The following PPARGC1A variants were observed in gnomAD, a reference collection of about 807,000 sequenced individuals.
The protein encoded by PPARGC1A is PPARG coactivator 1 alpha, also known as peroxisome proliferator-activated receptor gamma coactivator 1-alpha.
Under a neutral mutation model 88.7 loss-of-function variants are expected in PPARGC1A, and 25 were observed. The observed-to-expected ratio is 0.28, with a 90% CI of 0.21 to 0.39. The LOEUF (loss-of-function observed/expected upper bound fraction) is 0.39, where lower values mean the gene tolerates loss of function less well. Among genes scored for constraint, PPARGC1A ranks in the 10% least tolerant of loss-of-function variants. The pLI, the probability that PPARGC1A is intolerant of heterozygous loss-of-function variation, is 1.00. For synonymous variants in PPARGC1A, 363 were observed against 355.6 expected, an observed-to-expected ratio of 1.02 and a Z score of -0.24; for missense variants, 880 against 968.7, an observed-to-expected ratio of 0.91 and a Z score of 1.22.
At chr4:24,276,065 G>A in the PPARGC1A span, among the ~76,000 whole-genome samples, 6 of 152,188 alleles carry the variant, frequency 3.9e-5, no homozygotes, top group Admixed American at 6.5e-5. Flanking sequence ...ATAGCTGAAC[G>A]CTTTTAGCCA....
At chr4:24,451,949 G>A in the PPARGC1A span, among the ~76,000 whole-genome samples, 2 of 152,114 alleles carry the variant, frequency 1.3e-5, no homozygotes, top group African/African-American at 4.8e-5. Flanking sequence ...TATTCTAGAT[G>A]TTTCTGTGAA....
the PPARGC1A span, among the ~76,000 whole-genome samples, chr4:23,963,799 G>A: frequency 6.6e-6 from 1 of 152,202 alleles, no homozygotes; most frequent in African/African-American, 2.4e-5. Flanking sequence ...GGGTGCTCCT[G>A]GAAAGCTGGC....
intron 2 of PPARGC1A, among the ~76,000 whole-genome samples, chr4:23,849,025 TC>T (rs1399878552): frequency 6.6e-6 from 1 of 152,080 alleles, no homozygotes; most frequent in Non-Finnish European, 1.5e-5. Context: ...GCGCCTGTAC[TC>T]CCAGCTACTC....
chr4:24,051,114 G>T, the PPARGC1A span, among the ~76,000 whole-genome samples: 8 of 147,000 alleles, frequency 5.4e-5, no homozygotes, highest in Admixed American at 4.9e-4. Flanking sequence ...CATGAACCCA[G>T]GAGGCAGAGC....
At chr4:23,925,489 A>G in the PPARGC1A span, among the ~76,000 whole-genome samples, 13 of 152,368 alleles carry the variant, frequency 8.5e-5, no homozygotes, top group East Asian at 3.9e-4. Context: ...AAATGAATAC[A>G]TCTGCTCTGT....
chr4:24,241,071 T>C, the PPARGC1A span, among the ~76,000 whole-genome samples: 1 of 152,182 alleles, frequency 6.6e-6, no homozygotes, highest in Non-Finnish European at 1.5e-5. Flanking sequence ...CACTCTCAAT[T>C]TGCTAACACA....
intron 10 of PPARGC1A, among the ~76,000 whole-genome samples, chr4:23,811,758 A>T (rs1006368613): frequency 1.3e-5 from 2 of 152,156 alleles, no homozygotes; most frequent in Non-Finnish European, 2.9e-5. Flanking sequence ...CACTGTCTAT[A>T]TGTCAAGTTA....
chr4:24,367,938 T>G, the PPARGC1A span, among the ~76,000 whole-genome samples: 10 of 152,262 alleles, frequency 6.6e-5, no homozygotes, highest in Admixed American at 2.6e-4. Context: ...AAATCCAGCC[T>G]TTTATTCGAA....
At chr4:23,946,083 T>A in the PPARGC1A span, among the ~76,000 whole-genome samples, 1 of 152,044 alleles carries the variant, frequency 6.6e-6, no homozygotes, top group African/African-American at 2.4e-5. Flanking sequence ...GATACCATGG[T>A]CCCAGACAGA....
At position 23,849,035 on chromosome 4, in the gene PPARGC1A, T is replaced by G. The variant is rs962330130; in HGVS notation, c.235-17284A>C. Among the ~76,000 whole-genome samples, 3 of 152,012 alleles carry G rather than the reference T, an allele frequency of 2.0e-5. No homozygotes were observed. In the South Asian group the frequency reaches 6.2e-4, roughly 32 times the overall value. ...AGCGGGCGCCTGTACTCCCAGCTAC[T>G]CGGGAGGCTGAGGCAGGAGAATGGC... On this transcript the variant is annotated intron_variant, in intron 2 of 12. Coordinates refer to ENST00000264867, the MANE Select transcript of PPARGC1A (RefSeq NM_013261.5).
At chr4:24,049,451 A>AGTCAAT in the PPARGC1A span, among the ~76,000 whole-genome samples, 2 of 151,564 alleles carry the variant, frequency 1.3e-5, no homozygotes, top group Non-Finnish European at 2.9e-5. Flanking sequence ...TGGAGGGATA[A>AGTCAAT]GTCAATACAC....
the PPARGC1A span, among the ~76,000 whole-genome samples, chr4:24,132,765 T>C: frequency 3.3e-5 from 5 of 152,104 alleles, no homozygotes; most frequent in Non-Finnish European, 7.4e-5. Context: ...ATTTTTTTTT[T>C]CAGACAAACA....
chr4:24,255,355 A>G, the PPARGC1A span, among the ~76,000 whole-genome samples: 1 of 152,204 alleles, frequency 6.6e-6, no homozygotes, highest in African/African-American at 2.4e-5. Context: ...ATCATGCAAA[A>G]TTAAACATTC....
At chr4:24,375,011 C>T in the PPARGC1A span, among the ~76,000 whole-genome samples, 1 of 107,586 alleles carries the variant, frequency 9.3e-6, no homozygotes, top group East Asian at 2.6e-4. Context: ...AACCCCCCAC[C>T]CTAAAAAAAA....
the PPARGC1A span, among the ~76,000 whole-genome samples, chr4:24,097,410 T>A: frequency 1.3e-5 from 2 of 152,190 alleles, no homozygotes; most frequent in Non-Finnish European, 2.9e-5. Flanking sequence ...ATGATAGAAT[T>A]TTTATGAGTC....
the PPARGC1A span, among the ~76,000 whole-genome samples, chr4:24,049,155 T>G: frequency 6.7e-6 from 1 of 150,086 alleles, no homozygotes; most frequent in African/African-American, 2.5e-5. Flanking sequence ...TGTGTGTGAG[T>G]GTGTGTAAGA....
the PPARGC1A span, among the ~76,000 whole-genome samples, chr4:24,236,834 G>T: frequency 1.3e-5 from 2 of 152,130 alleles, no homozygotes; most frequent in Admixed American, 6.5e-5. Flanking sequence ...CCCCTTAAAA[G>T]TTACAAAAGT....
chr4:24,469,088 T>A, the PPARGC1A span, among the ~76,000 whole-genome samples: 1 of 152,214 alleles, frequency 6.6e-6, no homozygotes, highest in African/African-American at 2.4e-5. Context: ...ACATTGCCAT[T>A]TTTAGGAAAC....
chr4:24,316,962 G>C, the PPARGC1A span, among the ~76,000 whole-genome samples: 1 of 152,018 alleles, frequency 6.6e-6, no homozygotes, highest in Non-Finnish European at 1.5e-5. Flanking sequence ...GGAGGGGAGA[G>C]GAAATTTACA....
Sources: allele counts gnomAD v4.1 joint callset (sites outside exome capture counted in the v4.1 genomes callset), GRCh38; gene constraint gnomAD v4.1.1; transcripts MANE v1.5; gene names NCBI Gene and HGNC (gene_info 2026-07-23, HGNC 2026-07-21).